The following GALNTL6 variants were observed in gnomAD, a reference collection of about 807,000 sequenced individuals.
The protein encoded by GALNTL6 is polypeptide N-acetylgalactosaminyltransferase like 6.
GALNTL6 carries 46 observed loss-of-function variants against 73.7 expected under a neutral mutation model. The observed-to-expected ratio is 0.62, with a 90% CI of 0.49 to 0.80. The LOEUF (loss-of-function observed/expected upper bound fraction) is 0.80, where lower values mean the gene tolerates loss of function less well. Among genes scored for constraint, GALNTL6 ranks in the 30% least tolerant of loss-of-function variants. The pLI is 0.00. For synonymous variants in GALNTL6, 259 were observed against 263.7 expected (o/e 0.98, Z 0.17); for missense variants, 604 against 755.0 (o/e 0.80, Z 2.34).
At chr4:172,600,550 C>T (rs1738018036) in intron 5 of GALNTL6, among the ~76,000 whole-genome samples, 1 of 152,156 alleles carries the variant, frequency 6.6e-6, no homozygotes, top group Non-Finnish European at 1.5e-5. Flanking sequence ...CACAGGGATC[C>T]CTCTAAGGAT....
At chr4:172,690,179 C>G (rs1246113690) in intron 5 of GALNTL6, among the ~76,000 whole-genome samples, 1 of 152,128 alleles carries the variant, frequency 6.6e-6, no homozygotes, top group African/African-American at 2.4e-5. Context: ...TAATTTATTT[C>G]ATTTTTTCTG....
chr4:172,205,173 T>G (rs1232286002), intron 2 of GALNTL6, among the ~76,000 whole-genome samples: 2 of 152,228 alleles, frequency 1.3e-5, no homozygotes, highest in Admixed American at 1.3e-4. Context: ...TCTTTGCGCC[T>G]TTGGTAACAA....
intron 5 of GALNTL6, among the ~76,000 whole-genome samples, chr4:172,429,508 C>T (rs1731362654): frequency 6.6e-6 from 1 of 152,194 alleles, no homozygotes; most frequent in African/African-American, 2.4e-5. Flanking sequence ...TTAATATCCT[C>T]ACCTTAAGAG....
chr4:172,947,853 T>C (rs1165112976), intron 9 of GALNTL6, among the ~76,000 whole-genome samples: 1 of 152,150 alleles, frequency 6.6e-6, no homozygotes, highest in Non-Finnish European at 1.5e-5. Flanking sequence ...CTCCAATGAG[T>C]ATATGATTTT....
At position 171,998,200 on chromosome 4, in the gene GALNTL6, TGTCATTTAGTCCATCTATTAA is replaced by T. The variant is rs1184839847; in HGVS notation, c.138+183485_138+183505del. On this transcript the variant is annotated intron_variant, in intron 2 of 12. Coordinates refer to ENST00000506823, the MANE Select transcript of GALNTL6 (RefSeq NM_001034845.3). ...TCACTCAGTTGCATCTAGAAATAGG[TGTCATTTAGTCCATCTATTAA>T]GTTTCTCCAGCAAAACAGAACCAAC... Among the ~76,000 whole-genome samples, 5 of 152,258 alleles carry T rather than the reference TGTCATTTAGTCCATCTATTAA, an allele frequency of 3.3e-5. No individual in the cohort carries two copies. In the East Asian group the frequency reaches 5.8e-4, roughly 18 times the overall value.
intron 5 of GALNTL6, among the ~76,000 whole-genome samples, chr4:172,448,759 C>G (rs565377405): frequency 6.6e-6 from 1 of 152,218 alleles, no homozygotes; most frequent in South Asian, 2.1e-4. Context: ...ACAAGAAGTT[C>G]ATAACCATGA....
At chr4:172,400,764 A>G (rs1744007747) in intron 5 of GALNTL6, among the ~76,000 whole-genome samples, 1 of 152,112 alleles carries the variant, frequency 6.6e-6, no homozygotes, top group African/African-American at 2.4e-5. Context: ...ACGATGTAAG[A>G]GCCCAGCATG....
intron 2 of GALNTL6, among the ~76,000 whole-genome samples, chr4:172,010,271 T>C (rs967313797): frequency 6.6e-6 from 1 of 151,976 alleles, no homozygotes; most frequent in African/African-American, 2.4e-5. Context: ...GAGTACAACA[T>C]TAGTAATATT....
At position 172,585,398 on chromosome 4, in the gene GALNTL6, C is replaced by T. The variant is rs547140979; in HGVS notation, c.554-223963C>T. 1.9e-3 allele frequency among the ~76,000 whole-genome samples: 293 copies of T among 152,264 alleles called. 2 individuals carry two copies. The highest frequency in any genetic ancestry group is 3.6e-3 in the Non-Finnish European group (246 of 68,022). On this transcript the variant is annotated intron_variant, in intron 5 of 12. Transcript: ENST00000506823. ...ATTAGGCATTTGTCCTAACACTCTC[C>T]ATCCCCTTGCCCTCCACCTCCTGAC...
intron 3 of GALNTL6, among the ~76,000 whole-genome samples, chr4:172,275,483 A>C (rs1738795641): frequency 6.6e-6 from 1 of 152,200 alleles, no homozygotes; most frequent in Admixed American, 6.5e-5. Context: ...AGAATGAAAA[A>C]TAGAAATAAT....
chr4:172,489,937 A>T (rs1156881950), intron 5 of GALNTL6, among the ~76,000 whole-genome samples: 4 of 152,212 alleles, frequency 2.6e-5, no homozygotes, highest in Admixed American at 2.6e-4. Flanking sequence ...TTAGATACTG[A>T]AAAAGAGGAG....
chr4:172,540,051 C>CT (rs70944413), intron 5 of GALNTL6, among the ~76,000 whole-genome samples: 21,789 of 129,164 alleles, frequency 0.17, 2,321 homozygotes, highest in Non-Finnish European at 0.24. Context: ...TTCTTTCTTT[C>CT]TTTTTTTTTT....
At chr4:172,163,756 T>A (rs562127270) in intron 2 of GALNTL6, among the ~76,000 whole-genome samples, 23 of 151,982 alleles carry the variant, frequency 1.5e-4, no homozygotes, top group Non-Finnish European at 3.4e-4. Context: ...AATTCAGAAA[T>A]GTAAGCCTCA....
At chr4:171,825,138 C>A (rs1218201268) in intron 2 of GALNTL6, among the ~76,000 whole-genome samples, 1 of 152,130 alleles carries the variant, frequency 6.6e-6, no homozygotes, top group African/African-American at 2.4e-5. Context: ...AAAGACAATT[C>A]TCAAAGAATG....
chr4:172,072,838 T>A (rs1391753639), intron 2 of GALNTL6, among the ~76,000 whole-genome samples: 1 of 152,198 alleles, frequency 6.6e-6, no homozygotes, highest in East Asian at 1.9e-4. Flanking sequence ...TTGTTCTTTT[T>A]CCTATGCAGT....
At chr4:172,140,495 A>G (rs1465392935) in intron 2 of GALNTL6, among the ~76,000 whole-genome samples, 2 of 152,036 alleles carry the variant, frequency 1.3e-5, no homozygotes, top group Non-Finnish European at 2.9e-5. Flanking sequence ...ATATCAGCGC[A>G]TTTAATCCTC....
chr4:172,961,426 C>G (rs1407385845), intron 10 of GALNTL6, among the ~76,000 whole-genome samples: 1 of 152,018 alleles, frequency 6.6e-6, no homozygotes, highest in Non-Finnish European at 1.5e-5. Context: ...TTCTTGCCCC[C>G]CCAGAAAAGC....
At chr4:171,842,954 A>C (rs1452354925) in intron 2 of GALNTL6, among the ~76,000 whole-genome samples, 1 of 152,124 alleles carries the variant, frequency 6.6e-6, no homozygotes, top group Non-Finnish European at 1.5e-5. Flanking sequence ...CCATCCATTC[A>C]ATATATCTGC....
chr4:172,476,791 A>G (rs1465581411), intron 5 of GALNTL6, among the ~76,000 whole-genome samples: 1 of 152,242 alleles, frequency 6.6e-6, no homozygotes, highest in Non-Finnish European at 1.5e-5. Context: ...CAACTTGATT[A>G]ATAAGGTAGA....
Sources: gnomAD v4.1 joint callset for allele counts (sites outside exome capture counted in the v4.1 genomes callset) on GRCh38, gnomAD v4.1.1 for gene constraint, MANE v1.5 for transcripts, NCBI Gene and HGNC (gene_info 2026-07-23, HGNC 2026-07-21) for gene names.